Variants in TRIM71 observed in about 807,000 individuals in gnomAD.
TRIM71 encodes the protein E3 ubiquitin-protein ligase TRIM71.
A neutral mutation model predicts 61.2 loss-of-function variants in TRIM71; 9 were observed. The ratio of observed to expected loss-of-function variants is 0.15; its 90% CI spans 0.09 to 0.26. The LOEUF is 0.26. TRIM71 is among the 10% of genes least tolerant of loss of function. The pLI, the probability that TRIM71 is intolerant of heterozygous loss-of-function variation, is 1.00. For synonymous variants in TRIM71, 645 were observed against 553.2 expected (o/e 1.17, Z -2.33); for missense variants, 998 against 1,238.7 (o/e 0.81, Z 2.92).
rs933389357 is a variant in TRIM71, at chr3:32,890,252, A to G, written c.1156-108A>G. On this transcript the variant is annotated intron_variant, in intron 3 of 3. Coordinates refer to ENST00000383763, the MANE Select transcript of TRIM71 (RefSeq NM_001039111.3). This position sits in a 1 kb window ranked among gnomAD's most constrained non-coding sequence, Gnocchi z 6.2. ...GATGTCTTTTGTAGACCATCCCACA[A>G]TATGTGTTTGTCTGATGCTTCCTTG... 3.5e-6 allele frequency: 5 copies of G among 1,419,354 alleles called. No homozygotes were observed. Among genetic ancestry groups the G allele is most frequent in the African/African-American group, 1.4e-5 (1 of 69,796 alleles). 87.9% of individuals were successfully genotyped at this position (1,419,354 alleles called of 1,614,324 possible).
Position 32,891,864 on chromosome 3 carries a change from CTCTCTCTCTT to C in TRIM71, c.*59_*68del. 6.3e-7 allele frequency: 1 copy of C among 1,575,726 alleles called. No homozygotes were observed. On this transcript the variant is annotated 3_prime_UTR_variant, in exon 4 of 4. Transcript: ENST00000383763. The surrounding 1 kb of genome is among the most constrained non-coding windows in gnomAD (Gnocchi z 8.2). ...GGTGTGTGTGCGTGTCTCTCTCTCTCTCTCTCTCTTTCTCTTTCTCTCTCTTTTTGAATTT... is the reference window on the plus strand; with the variant it reads ...GGTGTGTGTGCGTGTCTCTCTCTCTCTCTCTTTCTCTCTCTTTTTGAATTT...
intron 1 of TRIM71, among the ~76,000 whole-genome samples, chr3:32,840,600 A>G (rs923724554): frequency 1.3e-5 from 2 of 152,164 alleles, no homozygotes; most frequent in Admixed American, 6.5e-5. Context: ...CCGACAGGGC[A>G]TGCAGTGGGG....
At chr3:32,845,813 C>T (rs551084192) in intron 1 of TRIM71, among the ~76,000 whole-genome samples, 3 of 151,774 alleles carry the variant, frequency 2.0e-5, no homozygotes, top group South Asian at 2.1e-4. Context: ...CTCCGCCTCC[C>T]GGGTTCAAGT....
chr3:32,860,176 C>A (rs1476515072), intron 1 of TRIM71, among the ~76,000 whole-genome samples: 1 of 141,630 alleles, frequency 7.1e-6, no homozygotes, highest in East Asian at 2.3e-4. Flanking sequence ...CCTTCCCTCT[C>A]TGATGGAATT....
intron 1 of TRIM71, among the ~76,000 whole-genome samples, chr3:32,861,644 C>G (rs1696669228): frequency 6.6e-6 from 1 of 152,184 alleles, no homozygotes; most frequent in Admixed American, 6.5e-5. Context: ...TTGCTCTGCT[C>G]TCGCTCATTT....
intron 1 of TRIM71, among the ~76,000 whole-genome samples, chr3:32,833,184 TAAAAAAAAAAAAAAA>T (rs1182178339): frequency 7.3e-5 from 4 of 54,428 alleles, no homozygotes; most frequent in Non-Finnish European, 1.0e-4. Context: ...ACTCTGTCTT[TAAAAAAAAAAAAAAA>T]AAAAAAAAAA....
At chr3:32,819,547 T>C (rs1416095440) in intron 1 of TRIM71, among the ~76,000 whole-genome samples, 1 of 152,166 alleles carries the variant, frequency 6.6e-6, no homozygotes, top group Admixed American at 6.5e-5. Flanking sequence ...GGAGCGTCTG[T>C]GGATCTTTGA....
chr3:32,841,781 C>A (rs1456652294), intron 1 of TRIM71, among the ~76,000 whole-genome samples: 1 of 152,052 alleles, frequency 6.6e-6, no homozygotes, highest in African/African-American at 2.4e-5. Flanking sequence ...TAACTTGGAC[C>A]CCCAGGACTT....
rs1241957609 is a variant in TRIM71, at chr3:32,895,279, T to C, written c.*3468T>C. Reference sequence around the variant, plus strand: ...TCAATGCCCTTTTAAGTCTAACTTATTTGGGAAACACATAACAAAGGGTAC... The same window carrying C: ...TCAATGCCCTTTTAAGTCTAACTTACTTGGGAAACACATAACAAAGGGTAC... On this transcript the variant is annotated 3_prime_UTR_variant, in exon 4 of 4. Coordinates refer to ENST00000383763, the MANE Select transcript of TRIM71 (RefSeq NM_001039111.3). The C allele has an allele frequency of 6.6e-6, 1 of 152,246 alleles. No individual in the cohort carries two copies. The highest frequency in any genetic ancestry group is 1.5e-5 in the Non-Finnish European group (1 of 68,054). 9.4% of individuals were successfully genotyped at this position (152,246 alleles called of 1,614,324 possible).
chr3:32,861,240 C>G (rs575371802), intron 1 of TRIM71, among the ~76,000 whole-genome samples: 1 of 151,036 alleles, frequency 6.6e-6, no homozygotes, highest in African/African-American at 2.4e-5. Flanking sequence ...TGCAGTGGCA[C>G]GATCTCGGCT....
At chr3:32,843,429 C>T (rs1696433908) in intron 1 of TRIM71, among the ~76,000 whole-genome samples, 1 of 152,092 alleles carries the variant, frequency 6.6e-6, no homozygotes, top group African/African-American at 2.4e-5. Context: ...ACAGGCTTAC[C>T]CAGGGGCCTC....
chr3:32,830,530 C>T (rs1467550178), intron 1 of TRIM71, among the ~76,000 whole-genome samples: 1 of 152,168 alleles, frequency 6.6e-6, no homozygotes, highest in Admixed American at 6.6e-5. Flanking sequence ...TGGAGCTCAT[C>T]TCCTGCTCCT....
rs774480490 is a variant in TRIM71, at chr3:32,891,202, G to T, written c.1998G>T (p.Arg666Ser). 6.2e-7 allele frequency: 1 copy of T among 1,613,332 alleles called. No individual in the cohort carries two copies. Among genetic ancestry groups the T allele is most frequent in the Non-Finnish European group, 8.5e-7 (1 of 1,179,692 alleles). ...GCGTGGCCTGTGACGCCTCACGCAG[G>T]ATCGTGGTGGCTGACAAGGACAATC... ...PAGVACDASR[R>S]IVVADKDNHR... Residue 666 changes from arginine (R) to serine (S), a missense_variant, in exon 4 of 4, where the codon AGG becomes AGT. Coordinates refer to ENST00000383763, the MANE Select transcript of TRIM71 (RefSeq NM_001039111.3). This position sits in a 1 kb window ranked among gnomAD's most constrained non-coding sequence, Gnocchi z 8.2.
intron 1 of TRIM71, among the ~76,000 whole-genome samples, chr3:32,826,347 A>G (rs1016133578): frequency 6.6e-6 from 1 of 152,138 alleles, no homozygotes; most frequent in African/African-American, 2.4e-5. Context: ...CTGAGGCAGG[A>G]GAATCACTTG....
chr3:32,828,410 A>T (rs930804085), intron 1 of TRIM71, among the ~76,000 whole-genome samples: 2 of 152,164 alleles, frequency 1.3e-5, no homozygotes, highest in African/African-American at 4.8e-5. Flanking sequence ...TGCATCTGTA[A>T]AATGAGGGTA....
intron 1 of TRIM71, among the ~76,000 whole-genome samples, chr3:32,867,876 G>A (rs1264217705): frequency 1.3e-5 from 2 of 152,076 alleles, no homozygotes; most frequent in Non-Finnish European, 2.9e-5. Flanking sequence ...TTGCAGAAAG[G>A]GGATTGTGGG....
At chr3:32,863,740 G>T (rs1386641755) in intron 1 of TRIM71, among the ~76,000 whole-genome samples, 1 of 152,098 alleles carries the variant, frequency 6.6e-6, no homozygotes, top group Non-Finnish European at 1.5e-5. Flanking sequence ...GGAGTGCAGT[G>T]GTGAGATCTT....
At position 32,895,792 on chromosome 3, in the gene TRIM71, GACCA is replaced by G. The variant is rs1697071479; in HGVS notation, c.*3982_*3985del. 6.6e-6 allele frequency: 1 copy of G among 152,204 alleles called. No homozygotes were observed. Among genetic ancestry groups the G allele is most frequent in the Non-Finnish European group, 1.5e-5 (1 of 68,074 alleles). The allele number at this position is 152,204 out of a possible 1,614,324, so 9.4% of individuals were successfully genotyped here. A position where few individuals can be genotyped will look rare whatever the true frequency, so the allele number is the denominator to read the frequency against. ...CAAGGGCACAGGACGCAGCATTCCA[GACCA>G]CACTGACTGCTTTTGCTGAGTTTCT... On this transcript the variant is annotated 3_prime_UTR_variant, in exon 4 of 4. Coordinates refer to ENST00000383763, the MANE Select transcript of TRIM71 (RefSeq NM_001039111.3).
At chr3:32,851,644 A>G (rs1696539675) in intron 1 of TRIM71, among the ~76,000 whole-genome samples, 1 of 151,836 alleles carries the variant, frequency 6.6e-6, no homozygotes, top group African/African-American at 2.4e-5. Flanking sequence ...ACGCCTGGCT[A>G]ATTGTTGTAT....
Sources: allele counts gnomAD v4.1 joint callset (sites outside exome capture counted in the v4.1 genomes callset), GRCh38; gene constraint gnomAD v4.1.1; non-coding constraint Gnocchi (gnomAD v3.1); transcripts MANE v1.5; gene names NCBI Gene and HGNC (gene_info 2026-07-23, HGNC 2026-07-21).